SIK3: variants seen among roughly 807,000 people sequenced by gnomAD.
SIK3 encodes the protein serine/threonine-protein kinase SIK3.
SIK3 carries 28 observed loss-of-function variants against 144.2 expected under a neutral mutation model. That is an observed-to-expected ratio of 0.19 (90% CI 0.14 to 0.27). SIK3 has a LOEUF of 0.27. Among genes scored for constraint, SIK3 ranks in the 10% least tolerant of loss-of-function variants. The pLI, the probability that SIK3 is intolerant of heterozygous loss-of-function variation, is 1.00. For synonymous variants in SIK3, 686 were observed against 676.3 expected, an observed-to-expected ratio of 1.01 and a Z score of -0.22; for missense variants, 1,319 against 1,776.0, an observed-to-expected ratio of 0.74 and a Z score of 4.62.
In SIK3 at chr11:116,875,412, G is replaced by C; in HGVS notation, c.1279C>G (p.Gln427Glu). The C allele has an allele frequency of 6.2e-7, 1 of 1,614,190 alleles. No individual in the cohort carries two copies. The highest frequency in any genetic ancestry group is 8.5e-7 in the Non-Finnish European group (1 of 1,180,034). Residue 427 changes from glutamine (Q) to glutamate (E), a missense_variant, in exon 10 of 25, where the codon CAG becomes GAG. Coordinates refer to ENST00000445177, the MANE Select transcript of SIK3 (RefSeq NM_001366686.3). ...AGTAMNISVP[Q>E]VQLINPENQI... ...TTCTCTGGGTTGATCAGCTGCACCT[G>C]GGGAACGCTGATGTTCATAGCAGTA...
At chr11:117,004,786 C>T (rs1178794585) in intron 1 of SIK3, among the ~76,000 whole-genome samples, 1 of 152,184 alleles carries the variant, frequency 6.6e-6, no homozygotes, top group African/African-American at 2.4e-5. Context: ...CCTCATCCCA[C>T]CTTTGGCCAA....
intron 1 of SIK3, among the ~76,000 whole-genome samples, chr11:117,017,543 A>G (rs1174129631): frequency 6.6e-6 from 1 of 152,208 alleles, no homozygotes; most frequent in Non-Finnish European, 1.5e-5. Context: ...TTTTAAGGCA[A>G]GATACTATCA....
intron 1 of SIK3, among the ~76,000 whole-genome samples, chr11:116,973,183 T>C (rs778004020): frequency 2.6e-5 from 4 of 152,156 alleles, no homozygotes; most frequent in Non-Finnish European, 4.4e-5. Context: ...TCAAGACCCA[T>C]GGAAACTGTA....
At position 116,867,870 on chromosome 11, in the gene SIK3, G is replaced by T; in HGVS notation, c.1952+76C>A. On this transcript the variant is annotated intron_variant, in intron 15 of 24. Transcript: ENST00000445177. This position sits in a 1 kb window ranked among gnomAD's most constrained non-coding sequence, Gnocchi z 4.1. ...ATTTAAAGCCACGATGCTAGTCACC[G>T]TCGCTGTGAGACTAATCAGAAGGGT... The T allele has an allele frequency of 7.2e-7, 1 of 1,385,188 alleles. No individual in the cohort carries two copies. Among genetic ancestry groups the T allele is most frequent in the Non-Finnish European group, 9.6e-7 (1 of 1,044,014 alleles). 85.8% of individuals were successfully genotyped at this position (1,385,188 alleles called of 1,614,324 possible). A position where few individuals can be genotyped will look rare whatever the true frequency, so the allele number is the denominator to read the frequency against.
intron 1 of SIK3, among the ~76,000 whole-genome samples, chr11:116,957,906 C>T (rs1949202129): frequency 6.6e-6 from 1 of 152,134 alleles, no homozygotes; most frequent in African/African-American, 2.4e-5. Flanking sequence ...CATATCTTTC[C>T]AATGTGCCCC....
In SIK3 at chr11:116,873,642, AG is replaced by A. The variant is rs1944083073; in HGVS notation, c.1582-7del. ...GGCTGTAGGAGAGACTGCTCCTGCC[AG>A]GAACAGAGTGGGGAGGACGGACCAT... is the stretch of plus-strand genomic sequence containing the variant. On this transcript the variant is annotated splice_polypyrimidine_tract_variant and splice_region_variant and intron_variant, in intron 12 of 24. Coordinates refer to ENST00000445177, the MANE Select transcript of SIK3 (RefSeq NM_001366686.3). 6.5e-7 allele frequency: 1 copy of A among 1,543,878 alleles called. No individual in the cohort carries two copies. Among genetic ancestry groups the A allele is most frequent in the East Asian group, 2.3e-5 (1 of 44,268 alleles).
chr11:117,095,620 T>C (rs1955441883), intron 1 of SIK3, among the ~76,000 whole-genome samples: 3 of 152,194 alleles, frequency 2.0e-5, no homozygotes, highest in African/African-American at 7.2e-5. Flanking sequence ...CGACAGCTGT[T>C]AGGCACATCT....
intron 14 of SIK3, 94 bp from the exon 15 acceptor site, chr11:116,868,183 A>G: frequency 6.8e-7 from 1 of 1,478,230 alleles, no homozygotes; most frequent in Non-Finnish European, 9.2e-7. Flanking sequence ...GCACTCAATG[A>G]AATAGTGCCA....
intron 18 of SIK3, 46 bp from the exon 19 acceptor site, chr11:116,861,429 C>A (rs1341709667): frequency 2.9e-6 from 4 of 1,380,694 alleles, no homozygotes; most frequent in Non-Finnish European, 4.1e-6. Flanking sequence ...CCTAAGGTGA[C>A]AGTACAATCT....
At chr11:116,927,789 C>T (rs1423709839) in intron 3 of SIK3, among the ~76,000 whole-genome samples, 1 of 152,112 alleles carries the variant, frequency 6.6e-6, no homozygotes, top group African/African-American at 2.4e-5. Context: ...AAGCAAGGCC[C>T]CAATATTAAA....
chr11:117,004,939 T>C (rs934697884), intron 1 of SIK3, among the ~76,000 whole-genome samples: 1 of 152,200 alleles, frequency 6.6e-6, no homozygotes. Context: ...TAGATAAATC[T>C]AGTACGGCTA....
At chr11:116,918,951 G>A (rs1360830657) in intron 4 of SIK3, among the ~76,000 whole-genome samples, 2 of 152,072 alleles carry the variant, frequency 1.3e-5, no homozygotes, top group Non-Finnish European at 2.9e-5. Context: ...GCCATTTCAG[G>A]GCAAGAACAC....
At chr11:116,932,989 T>A (rs1947701236) in intron 3 of SIK3, among the ~76,000 whole-genome samples, 2 of 152,172 alleles carry the variant, frequency 1.3e-5, no homozygotes, top group Admixed American at 1.3e-4. Flanking sequence ...CAAGCTGGTC[T>A]CAAACTCATG....
intron 1 of SIK3, among the ~76,000 whole-genome samples, chr11:116,964,718 T>A (rs1949463297): frequency 6.6e-6 from 1 of 151,930 alleles, no homozygotes; most frequent in Non-Finnish European, 1.5e-5. Flanking sequence ...CCACCTCTAC[T>A]AAAAATACAA....
intron 1 of SIK3, among the ~76,000 whole-genome samples, chr11:117,023,620 AAAT>A (rs148401003): frequency 0.033 from 3,219 of 98,898 alleles, 55 homozygotes; most frequent in Middle Eastern, 0.059. Context: ...AAAAAAAAAA[AAAT>A]ATATATATAT....
intron 3 of SIK3, among the ~76,000 whole-genome samples, chr11:116,953,258 TTC>T (rs1949016501): frequency 2.0e-5 from 3 of 152,168 alleles, no homozygotes; most frequent in Non-Finnish European, 4.4e-5. Flanking sequence ...CTAGCAAGTG[TTC>T]ATATTGATAA....
intron 4 of SIK3, among the ~76,000 whole-genome samples, chr11:116,922,668 A>G (rs180945625): frequency 1.3e-5 from 2 of 152,324 alleles, no homozygotes; most frequent in East Asian, 3.9e-4. Flanking sequence ...CATTAATACA[A>G]AATGTAAAAA....
At chr11:116,971,933 G>A (rs919356359) in intron 1 of SIK3, among the ~76,000 whole-genome samples, 2 of 151,800 alleles carry the variant, frequency 1.3e-5, no homozygotes, top group African/African-American at 4.8e-5. Flanking sequence ...CTAAAAATAC[G>A]AAAAATTACC....
In SIK3 at chr11:117,034,795, T is replaced by C. The variant is rs1048989617; in HGVS notation, c.273+63348A>G. 7.9e-5 allele frequency among the ~76,000 whole-genome samples: 12 copies of C among 152,352 alleles called. No homozygotes were observed. The East Asian group carries it at 2.3e-3, about 29-fold the overall frequency. On this transcript the variant is annotated intron_variant, in intron 1 of 24. Coordinates refer to ENST00000445177, the MANE Select transcript of SIK3 (RefSeq NM_001366686.3). ...ATCTCCTCTTTCATTTGTGAATCTG[T>C]TCGCTACCCAAAGGCAAGTTCTATT...
Sources: allele counts gnomAD v4.1 joint callset (sites outside exome capture counted in the v4.1 genomes callset), GRCh38; gene constraint gnomAD v4.1.1; non-coding constraint Gnocchi (gnomAD v3.1); transcripts MANE v1.5; gene names NCBI Gene and HGNC (gene_info 2026-07-23, HGNC 2026-07-21).